The following INTS15 variants were observed in gnomAD, a reference collection of about 807,000 sequenced individuals.
INTS15 encodes integrator complex subunit 15, also known as uncharacterized protein C7orf26.
At chr7:6,607,780 G>T in the INTS15 span, 1 of 1,483,008 alleles carries the variant, frequency 6.7e-7, no homozygotes. This position sits in a 1 kb window ranked among gnomAD's most constrained non-coding sequence, Gnocchi z 6.0. Context: ...ACGCATCCTC[G>T]CCTGTGGGGT....
At chr7:6,607,608 G>C in the INTS15 span, 2 of 1,404,912 alleles carry the variant, frequency 1.4e-6, no homozygotes, top group African/African-American at 1.4e-5. This position sits in a 1 kb window ranked among gnomAD's most constrained non-coding sequence, Gnocchi z 6.0. Context: ...GTAGGGCGCG[G>C]TCATTCTCGG....
chr7:6,598,448 AAC>A, the INTS15 span, among the ~76,000 whole-genome samples: 1 of 145,748 alleles, frequency 6.9e-6, no homozygotes, highest in African/African-American at 2.6e-5. Context: ...CAGCCTGGAC[AAC>A]AGAGTGGGAC....
chr7:6,599,749 G>C, the INTS15 span: 1 of 1,411,816 alleles, frequency 7.1e-7, no homozygotes, highest in Admixed American at 1.9e-5. Context: ...TGGGCCTTGG[G>C]GTCAGGCTTC....
At chr7:6,597,884 G>C in the INTS15 span, among the ~76,000 whole-genome samples, 2 of 152,138 alleles carry the variant, frequency 1.3e-5, no homozygotes, top group African/African-American at 4.8e-5. Flanking sequence ...GGGAGCCCGT[G>C]TCTTCAAAGC....
At chr7:6,599,941 A>C in the INTS15 span, 4 of 1,614,118 alleles carry the variant, frequency 2.5e-6, no homozygotes, top group African/African-American at 5.3e-5. Flanking sequence ...CCAATCTGCC[A>C]ATAGGATTCT....
chr7:6,603,228 C>T, the INTS15 span, among the ~76,000 whole-genome samples: 1 of 150,702 alleles, frequency 6.6e-6, no homozygotes, highest in Non-Finnish European at 1.5e-5. Flanking sequence ...CCAGCTTGGG[C>T]AACAGAGTGA....
the INTS15 span, chr7:6,590,130 G>T: frequency 3.7e-6 from 2 of 544,322 alleles, no homozygotes; most frequent in Non-Finnish European, 5.5e-6. Flanking sequence ...GGCCCCCTGA[G>T]CAGGCAGGGA....
the INTS15 span, among the ~76,000 whole-genome samples, chr7:6,598,248 TC>T: frequency 6.6e-6 from 1 of 152,070 alleles, no homozygotes; most frequent in Admixed American, 6.6e-5. Flanking sequence ...GGTGGGCGGA[TC>T]ACCTGCAGTC....
the INTS15 span, among the ~76,000 whole-genome samples, chr7:6,604,321 C>G: frequency 6.6e-6 from 1 of 152,142 alleles, no homozygotes; most frequent in Non-Finnish European, 1.5e-5. Flanking sequence ...TGTCCTACAG[C>G]GGGGTGATAC....
chr7:6,597,757 G>A, the INTS15 span, among the ~76,000 whole-genome samples: 10 of 152,208 alleles, frequency 6.6e-5, no homozygotes, highest in African/African-American at 1.2e-4. Context: ...CAGTATGTCC[G>A]TTGAGATGTT....
chr7:6,600,782 C>T, the INTS15 span, among the ~76,000 whole-genome samples: 90 of 151,914 alleles, frequency 5.9e-4, no homozygotes, highest in African/African-American at 1.3e-3. Context: ...ATCAGCCTCC[C>T]GAAGAGCTGG....
At chr7:6,607,666 A>G in the INTS15 span, 14 of 1,508,260 alleles carry the variant, frequency 9.3e-6, no homozygotes, top group Non-Finnish European at 1.2e-5. The surrounding 1 kb of genome is among the most constrained non-coding windows in gnomAD (Gnocchi z 6.0). Context: ...AGCGCAGCAG[A>G]GAGCCGCAGA....
the INTS15 span, chr7:6,594,485 C>G: frequency 6.2e-7 from 1 of 1,614,154 alleles, no homozygotes. Flanking sequence ...TTGTAGATGA[C>G]TACTGCTGTT....
At chr7:6,599,952 T>G in the INTS15 span, 1 of 1,614,226 alleles carries the variant, frequency 6.2e-7, no homozygotes, top group Non-Finnish European at 8.5e-7. Flanking sequence ...ATAGGATTCT[T>G]AGAGCTCACC....
At chr7:6,606,803 T>C in the INTS15 span, among the ~76,000 whole-genome samples, 2 of 150,142 alleles carry the variant, frequency 1.3e-5, no homozygotes, top group South Asian at 4.3e-4. Context: ...ACTTCTGAAC[T>C]CAAGCAATCC....
At chr7:6,601,730 T>C in the INTS15 span, among the ~76,000 whole-genome samples, 1 of 150,162 alleles carries the variant, frequency 6.7e-6, no homozygotes, top group Non-Finnish European at 1.5e-5. Flanking sequence ...GATCTCGGCT[T>C]ACTGCAACCT....
chr7:6,603,665 C>T, the INTS15 span, among the ~76,000 whole-genome samples: 1 of 151,864 alleles, frequency 6.6e-6, no homozygotes. Context: ...ATGGTGAAAC[C>T]CCATCTCTAC....
chr7:6,604,480 G>T, the INTS15 span, among the ~76,000 whole-genome samples: 2 of 152,136 alleles, frequency 1.3e-5, no homozygotes, highest in Non-Finnish European at 2.9e-5. Context: ...AAGTGAGCTT[G>T]GTGGGGTTAG....
chr7:6,598,755 G>A, the INTS15 span, among the ~76,000 whole-genome samples: 2 of 103,106 alleles, frequency 1.9e-5, no homozygotes, highest in Non-Finnish European at 3.6e-5. Flanking sequence ...GTGTGTGTGT[G>A]TGTGTGTGTG....
Sources: allele counts gnomAD v4.1 joint callset (sites outside exome capture counted in the v4.1 genomes callset), GRCh38; gene constraint gnomAD v4.1.1; non-coding constraint Gnocchi (gnomAD v3.1); transcripts MANE v1.5; gene names NCBI Gene and HGNC (gene_info 2026-07-23, HGNC 2026-07-21).